Variants in DAB2IP observed in about 807,000 individuals in gnomAD.
DAB2IP encodes disabled homolog 2-interacting protein.
A neutral mutation model predicts 107.2 loss-of-function variants in DAB2IP; 28 were observed. The ratio of observed to expected loss-of-function variants is 0.26; its 90% CI spans 0.19 to 0.36. The LOEUF (loss-of-function observed/expected upper bound fraction) is 0.36, where lower values mean the gene tolerates loss of function less well. Among genes scored for constraint, DAB2IP ranks in the 10% least tolerant of loss-of-function variants. DAB2IP has a pLI of 1.00. For missense variants in DAB2IP, 1,400 were observed against 1,644.7 expected (o/e 0.85, Z 2.57); for synonymous variants, 755 against 706.4 (o/e 1.07, Z -1.09).
chr9:121,568,359 G>A (rs1829855812), intron 1 of DAB2IP, among the ~76,000 whole-genome samples: 1 of 152,194 alleles, frequency 6.6e-6, no homozygotes, highest in South Asian at 2.1e-4. Flanking sequence ...GGGCCCAGGG[G>A]ACGGGGGGTC....
chr9:121,610,420 A>T (rs1160973756), intron 1 of DAB2IP, among the ~76,000 whole-genome samples: 1 of 151,838 alleles, frequency 6.6e-6, no homozygotes, highest in Non-Finnish European at 1.5e-5. Context: ...TCCTGTTTTC[A>T]CCTCTGTTTT....
At chr9:121,605,172 A>C (rs1338907960) in intron 1 of DAB2IP, among the ~76,000 whole-genome samples, 1 of 151,864 alleles carries the variant, frequency 6.6e-6, no homozygotes, top group Non-Finnish European at 1.5e-5. Context: ...GGTGCTCGCC[A>C]CCATGCCCAG....
chr9:121,680,024 G>A (rs565459860), intron 2 of DAB2IP, among the ~76,000 whole-genome samples: 9 of 152,300 alleles, frequency 5.9e-5, no homozygotes, highest in African/African-American at 1.2e-4. Flanking sequence ...TTGCTTTTCC[G>A]CCATCACAGC....
At chr9:121,780,835 G>A (rs1288708594) in intron 14 of DAB2IP, among the ~76,000 whole-genome samples, 1 of 152,126 alleles carries the variant, frequency 6.6e-6, no homozygotes, top group Non-Finnish European at 1.5e-5. Flanking sequence ...ACTGCTCATT[G>A]TTCTGCCTGC....
chr9:121,642,029 C>CTTTCTTTCTTTCTTTCTTTCTT (rs879760304), intron 1 of DAB2IP, among the ~76,000 whole-genome samples: 23 of 26,630 alleles, frequency 8.6e-4, no homozygotes, highest in East Asian at 1.5e-3. Context: ...CTCTCTCTCT[C>CTTTCTTTCTTTCTTTCTTTCTT]TCTTTCTTTC....
chr9:121,720,072 G>A (rs937724660), intron 3 of DAB2IP, among the ~76,000 whole-genome samples: 1 of 152,226 alleles, frequency 6.6e-6, no homozygotes, highest in Non-Finnish European at 1.5e-5. Context: ...TGGAAAATGG[G>A]TAGGATGCCA....
At position 121,782,330 on chromosome 9, in the gene DAB2IP, G is replaced by A; in HGVS notation, c.3403-1G>A. 6.2e-7 allele frequency: 1 copy of A among 1,613,746 alleles called. No homozygotes were observed. Among genetic ancestry groups the A allele is most frequent in the Non-Finnish European group, 8.5e-7 (1 of 1,179,728 alleles). On this transcript the variant is annotated splice_acceptor_variant, in intron 15 of 15. Coordinates refer to ENST00000408936, the Ensembl canonical transcript of DAB2IP. LOFTEE classifies it high-confidence loss of function. This position sits in a 1 kb window ranked among gnomAD's most constrained non-coding sequence, Gnocchi z 6.1. Reference sequence around the variant, plus strand: ...CCCGCTCACATCCCCATTGTCCACAGGAGAAGCGCATTGCCTCGTTGGATG... The same window carrying A: ...CCCGCTCACATCCCCATTGTCCACAAGAGAAGCGCATTGCCTCGTTGGATG...
chr9:121,772,549 C>T lies in DAB2IP; in HGVS notation c.2079-58C>T. 1.3e-6 allele frequency: 2 copies of T among 1,554,714 alleles called. No homozygotes were observed. The highest frequency in any genetic ancestry group is 1.4e-5 in the African/African-American group (1 of 73,902). The stretch of plus-strand genomic sequence containing the variant: ...TGCTGTCGGTTTGGACCCGCCTTGG[C>T]TGCACTCACAGTTCTTCTTTTCCCC... On this transcript the variant is annotated intron_variant, in intron 11 of 15. Coordinates refer to ENST00000408936, the Ensembl canonical transcript of DAB2IP. This position sits in a 1 kb window ranked among gnomAD's most constrained non-coding sequence, Gnocchi z 4.7.
exon 12 of DAB2IP, chr9:121,773,018 C>T (rs1162861446): frequency 5.6e-6 from 9 of 1,612,056 alleles, no homozygotes; most frequent in Non-Finnish European, 5.9e-6. Context: ...CCTTCCAGAA[C>T]CCTGTGTACC....
exon 12 of DAB2IP, chr9:121,773,023 T>C: frequency 6.2e-7 from 1 of 1,612,178 alleles, no homozygotes; most frequent in Non-Finnish European, 8.5e-7. Flanking sequence ...CAGAACCCTG[T>C]GTACCAGATG....
chr9:121,767,147 A>G (rs1834343043), intron 9 of DAB2IP, among the ~76,000 whole-genome samples: 3 of 152,222 alleles, frequency 2.0e-5, no homozygotes, highest in Non-Finnish European at 4.4e-5. Context: ...GGGCACCACC[A>G]TCCTGGTGTC....
At chr9:121,708,151 A>G (rs1402870339) in intron 3 of DAB2IP, among the ~76,000 whole-genome samples, 1 of 152,196 alleles carries the variant, frequency 6.6e-6, no homozygotes, top group African/African-American at 2.4e-5. Flanking sequence ...GCTGTGTGCT[A>G]GTGACTTGCC....
chr9:121,649,911 C>G (rs1458607886), upstream of DAB2IP, among the ~76,000 whole-genome samples: 2 of 152,242 alleles, frequency 1.3e-5, no homozygotes, highest in Non-Finnish European at 2.9e-5. Flanking sequence ...TGACCTGCAG[C>G]CTACCGGCTG....
intron 3 of DAB2IP, among the ~76,000 whole-genome samples, chr9:121,740,566 A>G (rs997841060): frequency 6.6e-6 from 1 of 152,154 alleles, no homozygotes; most frequent in Non-Finnish European, 1.5e-5. Flanking sequence ...TGTTTTACAC[A>G]ATATTTTGGT....
At chr9:121,620,018 A>G (rs1831408462) in intron 1 of DAB2IP, among the ~76,000 whole-genome samples, 1 of 152,220 alleles carries the variant, frequency 6.6e-6, no homozygotes, top group Non-Finnish European at 1.5e-5. Context: ...TGCCCCACCC[A>G]GAGTGCTAAA....
intron 1 of DAB2IP, among the ~76,000 whole-genome samples, chr9:121,671,697 A>G (rs1833690158): frequency 6.6e-6 from 1 of 152,166 alleles, no homozygotes. Flanking sequence ...TTTTCACTCG[A>G]CATCATATTT....
chr9:121,642,998 T>C (rs1768732), intron 1 of DAB2IP, among the ~76,000 whole-genome samples: 60,839 of 150,716 alleles, frequency 0.4, 13,057 homozygotes, highest in African/African-American at 0.52. Context: ...CAGCAGGAAC[T>C]GGAGATGCAA....
intron 3 of DAB2IP, chr9:121,751,895 A>G (rs1157119853): frequency 3.0e-6 from 3 of 983,784 alleles, no homozygotes; most frequent in Admixed American, 6.1e-5. Flanking sequence ...CACCCTAGCC[A>G]TGGCCTTGGC....
intron 4 of DAB2IP, 61 bp downstream of exon 4, chr9:121,757,227 C>T (rs1833562593): frequency 1.3e-6 from 2 of 1,575,720 alleles, no homozygotes; most frequent in Admixed American, 1.8e-5. Context: ...GGCTGGTCTC[C>T]TCCAGACATC....
Sources: allele counts gnomAD v4.1 joint callset (sites outside exome capture counted in the v4.1 genomes callset), GRCh38; gene constraint gnomAD v4.1.1; non-coding constraint Gnocchi (gnomAD v3.1); transcripts MANE v1.5; gene names NCBI Gene and HGNC (gene_info 2026-07-23, HGNC 2026-07-21).